Variants in PTPRU observed in about 807,000 individuals in gnomAD.
The protein encoded by PTPRU is protein tyrosine phosphatase receptor type U.
Under a neutral mutation model 166.3 loss-of-function variants are expected in PTPRU, and 69 were observed. That is an observed-to-expected ratio of 0.41 (90% CI 0.34 to 0.51). The LOEUF (loss-of-function observed/expected upper bound fraction) is 0.51. PTPRU is among the 20% of genes least tolerant of loss of function. The pLI is 0.09. For missense variants in PTPRU, 1,657 were observed against 2,013.7 expected (o/e 0.82, Z 3.39); for synonymous variants, 793 against 814.0 (o/e 0.97, Z 0.44).
At position 29,292,040 on chromosome 1, in the gene PTPRU, C is replaced by T; in HGVS notation, c.2476+14C>T. The T allele has an allele frequency of 1.9e-6, 3 of 1,613,032 alleles. No homozygotes were observed. The highest frequency in any genetic ancestry group is 2.5e-6 in the Non-Finnish European group (3 of 1,179,334). On this transcript the variant is annotated intron_variant, in intron 15 of 29. Coordinates refer to ENST00000373779, the MANE Select transcript of PTPRU (RefSeq NM_133178.4). ...ACAGCACCCGGGGTGAGTGCCCGGCCCTCCTACCCCTTCTTCATGGCTCTG... is the reference window on the plus strand; with the variant it reads ...ACAGCACCCGGGGTGAGTGCCCGGCTCTCCTACCCCTTCTTCATGGCTCTG...
chr1:29,241,249 C>T (rs112341101), intron 1 of PTPRU, among the ~76,000 whole-genome samples: 1,778 of 152,136 alleles, frequency 0.012, 40 homozygotes, highest in African/African-American at 0.041. Flanking sequence ...GGTGGTGTCT[C>T]GCTATCTAGG....
chr1:29,293,764 G>A (rs1686761242), intron 15 of PTPRU, among the ~76,000 whole-genome samples: 1 of 152,190 alleles, frequency 6.6e-6, no homozygotes, highest in African/African-American at 2.4e-5. Flanking sequence ...GTGAGCCACT[G>A]CGCCCGGACT....
chr1:29,307,703 G>GT (rs1011109846), intron 18 of PTPRU, among the ~76,000 whole-genome samples: 3 of 137,246 alleles, frequency 2.2e-5, no homozygotes, highest in Admixed American at 7.3e-5. Flanking sequence ...TAATTTGAAT[G>GT]TTTTTTGGTG....
Position 29,236,730 on chromosome 1 carries a change from C to A in PTPRU, c.73+13C>A. 1 of 1,422,690 alleles carries A rather than the reference C, an allele frequency of 7.0e-7. No individual in the cohort carries two copies. The highest frequency in any genetic ancestry group is 2.9e-5 in the East Asian group (1 of 34,642). 88.1% of individuals were successfully genotyped at this position (1,422,690 alleles called of 1,614,324 possible). A position where few individuals can be genotyped will look rare whatever the true frequency, so the allele number is the denominator to read the frequency against. Reference sequence around the variant, plus strand: ...GAGACTCCGGCAGGTAAGCGCGCGGCGGCCGGACCGAGCCTGCCCCGCCGA... The same window carrying A: ...GAGACTCCGGCAGGTAAGCGCGCGGAGGCCGGACCGAGCCTGCCCCGCCGA... On this transcript the variant is annotated intron_variant, in intron 1 of 29. Coordinates refer to ENST00000373779, the MANE Select transcript of PTPRU (RefSeq NM_133178.4). This position sits in a 1 kb window ranked among gnomAD's most constrained non-coding sequence, Gnocchi z 4.6.
intron 12 of PTPRU, chr1:29,283,677 G>T (rs779942180): frequency 8.3e-5 from 42 of 507,278 alleles, no homozygotes; most frequent in Admixed American, 1.5e-4. Context: ...CCCGATGCCC[G>T]AGGCCCCGCC....
intron 21 of PTPRU, 69 bp from the exon 22 acceptor site, chr1:29,312,483 A>T (rs757753491): frequency 7.1e-7 from 1 of 1,412,240 alleles, no homozygotes; most frequent in Non-Finnish European, 9.6e-7. Context: ...AGTGCCTGGC[A>T]CACAGCAGGT....
rs1384529121 is a variant in PTPRU, at chr1:29,260,038, G to A, written c.844G>A (p.Val282Ile). Residue 282 changes from valine (V) to isoleucine (I), a missense_variant, in exon 6 of 30, where the codon GTC becomes ATC. Val to Ile is a conservative substitution (Grantham distance 29). This residue lies in a region of PTPRU where 453 missense variants were observed against 496.9 expected (regional missense o/e 0.91). Coordinates refer to ENST00000373779, the MANE Select transcript of PTPRU (RefSeq NM_133178.4). The surrounding 1 kb of genome is among the most constrained non-coding windows in gnomAD (Gnocchi z 8.3). ...AGVSNFAELIVKEPPTPIAPP... is the reference protein window; with the variant it reads ...AGVSNFAELIIKEPPTPIAPP... ...CGTCTCTAACTTCGCGGAGCTCATC[G>A]TCAAGGGTCAGCTGGTGGACGCCGG... 1.4e-6 allele frequency: 2 copies of A among 1,447,910 alleles called. No homozygotes were observed. Among genetic ancestry groups the A allele is most frequent in the South Asian group, 1.5e-5 (1 of 68,474 alleles). 89.7% of individuals were successfully genotyped at this position (1,447,910 alleles called of 1,614,324 possible).
chr1:29,278,901 G>A (rs1184329686), intron 8 of PTPRU, 111 bp from the exon 9 acceptor site: 2 of 777,150 alleles, frequency 2.6e-6, no homozygotes, highest in Admixed American at 4.4e-5. Flanking sequence ...GGTGCAGAGA[G>A]GCTGAATAGT....
At chr1:29,277,557 G>C (rs1685860154) in intron 8 of PTPRU, among the ~76,000 whole-genome samples, 2 of 152,086 alleles carry the variant, frequency 1.3e-5, no homozygotes, top group Admixed American at 1.3e-4. Flanking sequence ...CAGTGTATTT[G>C]AAAAGAACAT....
chr1:29,278,555 A>G (rs567504393), intron 8 of PTPRU, among the ~76,000 whole-genome samples: 20 of 152,338 alleles, frequency 1.3e-4, no homozygotes, highest in African/African-American at 4.3e-4. Context: ...TACATTGAAC[A>G]TGTCATTTAT....
At position 29,280,726 on chromosome 1, in the gene PTPRU, ATG is replaced by A. The variant is rs1686027885; in HGVS notation, c.1868+590_1868+591del. ...TGTGTCTTTGTGATAAAGACATGGG[ATG>A]TGTGGTGTGAGTGTGTGTGAGAGGC... On this transcript the variant is annotated intron_variant, in intron 11 of 29. Coordinates refer to ENST00000373779, the MANE Select transcript of PTPRU (RefSeq NM_133178.4). This position sits in a 1 kb window ranked among gnomAD's most constrained non-coding sequence, Gnocchi z 4.2. Among the ~76,000 whole-genome samples the A allele has an allele frequency of 6.7e-6, 1 of 149,416 alleles. No homozygotes were observed. The highest frequency in any genetic ancestry group is 2.1e-4 in the South Asian group (1 of 4,680).
intron 1 of PTPRU, among the ~76,000 whole-genome samples, chr1:29,254,450 T>C (rs1162088395): frequency 6.6e-6 from 1 of 152,240 alleles, no homozygotes; most frequent in Non-Finnish European, 1.5e-5. Context: ...TCATGGGAAG[T>C]TGCTTCATCT....
chr1:29,286,466 G>A (rs1686355013), intron 14 of PTPRU, among the ~76,000 whole-genome samples: 1 of 152,124 alleles, frequency 6.6e-6, no homozygotes, highest in African/African-American at 2.4e-5. Flanking sequence ...CCACTTGGCT[G>A]ATGAGCAGTA....
intron 18 of PTPRU, among the ~76,000 whole-genome samples, 186 bp from the exon 19 acceptor site, chr1:29,310,558 A>T (rs567033859): frequency 1.3e-5 from 2 of 152,156 alleles, no homozygotes; most frequent in South Asian, 4.2e-4. Context: ...TCCCAGCTGT[A>T]CTTCTCCACT....
chr1:29,301,768 G>A (rs1687145061), intron 15 of PTPRU, among the ~76,000 whole-genome samples: 1 of 152,026 alleles, frequency 6.6e-6, no homozygotes, highest in South Asian at 2.1e-4. Flanking sequence ...GGTGTGTGAT[G>A]TTCCCCGCCC....
chr1:29,284,089 C>T (rs554345620), intron 13 of PTPRU, 113 bp downstream of exon 13: 62 of 1,361,468 alleles, frequency 4.6e-5, no homozygotes, highest in Non-Finnish European at 5.4e-5. Context: ...GGTGGTTGGG[C>T]AGTCCTGGGG....
intron 1 of PTPRU, among the ~76,000 whole-genome samples, chr1:29,247,435 G>A (rs749783140): frequency 2.0e-5 from 3 of 152,244 alleles, no homozygotes; most frequent in Non-Finnish European, 4.4e-5. Context: ...ACACTGCAAA[G>A]CTGCTGTACT....
At chr1:29,292,441 G>C (rs1040185749) in intron 15 of PTPRU, among the ~76,000 whole-genome samples, 2 of 152,136 alleles carry the variant, frequency 1.3e-5, no homozygotes, top group Non-Finnish European at 1.5e-5. Context: ...AGTCACTTAA[G>C]CCCTCTGGAT....
chr1:29,311,524 A>T lies in PTPRU; in HGVS notation c.2926A>T (p.Met976Leu), dbSNP rs199881617. The change falls in exon 20 of 30, where the codon ATG becomes TTG. Residue 976 changes from methionine to leucine, a missense_variant. By Grantham distance (15) the Met-to-Leu change is conservative (BLOSUM62 2). Coordinates refer to ENST00000373779, the MANE Select transcript of PTPRU (RefSeq NM_133178.4). The surrounding 1 kb of genome is among the most constrained non-coding windows in gnomAD (Gnocchi z 4.1). ...VWQEHCSSIV[M>L]ITKLVEVGRV... is the part of the protein sequence containing the mutation. Reference sequence around the variant, plus strand: ...GCAGGAGCACTGTTCCAGCATCGTCATGATCACCAAGCTGGTCGAGGTGGG... The same window carrying T: ...GCAGGAGCACTGTTCCAGCATCGTCTTGATCACCAAGCTGGTCGAGGTGGG... 4.1e-5 allele frequency: 66 copies of T among 1,614,042 alleles called. No individual in the cohort carries two copies. The highest frequency in any genetic ancestry group is 3.0e-5 in the Non-Finnish European group (35 of 1,180,034).
Sources: gnomAD v4.1 joint callset for allele counts (sites outside exome capture counted in the v4.1 genomes callset) on GRCh38, gnomAD v4.1.1 for gene constraint, gnomAD v4.1.1 regional missense constraint, Gnocchi (gnomAD v3.1) non-coding constraint, MANE v1.5 for transcripts, NCBI Gene and HGNC (gene_info 2026-07-23, HGNC 2026-07-21) for gene names.